FCHSD2: variants seen among roughly 807,000 people sequenced by gnomAD.
FCHSD2 encodes the protein F-BAR and double SH3 domains protein 2.
Under a neutral mutation model 108.1 loss-of-function variants are expected in FCHSD2, and 38 were observed. That is an observed-to-expected ratio of 0.35 (90% CI 0.27 to 0.46). FCHSD2 has a LOEUF of 0.46. FCHSD2 is among the 20% of genes least tolerant of loss of function. The pLI is 1.00. For missense variants in FCHSD2, 751 were observed against 897.8 expected (o/e 0.84, Z 2.09); for synonymous variants, 279 against 314.7 (o/e 0.89, Z 1.20).
intron 3 of FCHSD2, among the ~76,000 whole-genome samples, chr11:73,066,030 A>G (rs936704094): frequency 2.0e-5 from 3 of 152,244 alleles, no homozygotes; most frequent in African/African-American, 7.2e-5. Flanking sequence ...GAACCAAAAA[A>G]GAGCCTGCAT....
At chr11:72,944,736 A>G (rs547317270) in intron 8 of FCHSD2, among the ~76,000 whole-genome samples, 16 of 152,316 alleles carry the variant, frequency 1.1e-4, no homozygotes, top group Non-Finnish European at 1.3e-4. Flanking sequence ...AAAAATCACA[A>G]GCATTCTTAT....
At chr11:73,047,072 G>A (rs568435769) in intron 3 of FCHSD2, among the ~76,000 whole-genome samples, 2 of 151,800 alleles carry the variant, frequency 1.3e-5, no homozygotes, top group African/African-American at 4.8e-5. Context: ...AAGACAAGAT[G>A]CAGAATAAAT....
In FCHSD2 at chr11:72,849,885, T is replaced by A; in HGVS notation, c.1313A>T (p.Asn438Ile). 6.2e-7 allele frequency: 1 copy of A among 1,608,678 alleles called. No homozygotes were observed. The highest frequency in any genetic ancestry group is 1.1e-5 in the South Asian group (1 of 89,498). Residue 438 changes from asparagine to isoleucine, a missense_variant, in exon 14 of 20, where the codon AAT (asparagine) becomes ATT (isoleucine). By Grantham distance (149) the Asn-to-Ile change is moderately radical (BLOSUM62 -3). Transcript: ENST00000409418. ...GCCTTCTTCTCTTTCGGTATCTGCA[T>A]TAAGCTAAGAAAAATTAGAAACCAT... ...VTSNGTLHSL[N>I]ADTEREEGEE...
At chr11:73,111,471 T>A (rs985948077) in intron 2 of FCHSD2, among the ~76,000 whole-genome samples, 49 of 152,238 alleles carry the variant, frequency 3.2e-4, no homozygotes, top group African/African-American at 1.2e-3. Flanking sequence ...TCCTTTTTTT[T>A]TTTTTCAGTC....
At chr11:72,883,532 TA>T (rs1855132392) in intron 12 of FCHSD2, among the ~76,000 whole-genome samples, 1 of 152,152 alleles carries the variant, frequency 6.6e-6, no homozygotes, top group Non-Finnish European at 1.5e-5. Flanking sequence ...TAAAAACTTA[TA>T]AAAAGATGCT....
chr11:72,919,767 GAATA>G (rs1444713337), intron 9 of FCHSD2, among the ~76,000 whole-genome samples: 2 of 151,494 alleles, frequency 1.3e-5, no homozygotes, highest in Non-Finnish European at 3.0e-5. Context: ...GATAAAATTA[GAATA>G]AATGTCGTTG....
chr11:73,008,354 A>G (rs772475229), intron 4 of FCHSD2, among the ~76,000 whole-genome samples: 1 of 152,150 alleles, frequency 6.6e-6, no homozygotes, highest in Non-Finnish European at 1.5e-5. Context: ...AGAAAAGAAA[A>G]TGTGATTAAG....
intron 3 of FCHSD2, among the ~76,000 whole-genome samples, chr11:73,025,803 T>C (rs1858214485): frequency 6.6e-6 from 1 of 152,110 alleles, no homozygotes. Context: ...AGTATTTCAG[T>C]CAAAAACCAA....
intron 8 of FCHSD2, among the ~76,000 whole-genome samples, chr11:72,944,132 T>A (rs1224736279): frequency 6.6e-6 from 1 of 152,120 alleles, no homozygotes; most frequent in African/African-American, 2.4e-5. Context: ...CTGATGAACA[T>A]CGATGCAAAA....
chr11:73,056,681 A>G (rs944804484), intron 3 of FCHSD2, among the ~76,000 whole-genome samples: 3 of 152,214 alleles, frequency 2.0e-5, no homozygotes, highest in African/African-American at 7.2e-5. Flanking sequence ...TAGAGAAGAG[A>G]GCATAACAGA....
intron 3 of FCHSD2, among the ~76,000 whole-genome samples, chr11:73,018,746 T>C (rs1858029574): frequency 6.6e-6 from 1 of 152,168 alleles, no homozygotes; most frequent in Non-Finnish European, 1.5e-5. Context: ...TTAATAACTG[T>C]ATCAGATTTC....
rs1467642261 is a variant in FCHSD2, at chr11:73,065,654, CAA to C, written c.165+18039_165+18040del. 3.9e-5 allele frequency among the ~76,000 whole-genome samples: 6 copies of C among 152,322 alleles called. No individual in the cohort carries two copies. In the East Asian group the frequency reaches 9.6e-4, roughly 24 times the overall value. ...TCCTTAAGCTGATAAGCAACTTCAG[CAA>C]AGTCTCAGGATCCAAAAAATCAATG... On this transcript the variant is annotated intron_variant, in intron 3 of 19. Coordinates refer to ENST00000409418, the MANE Select transcript of FCHSD2 (RefSeq NM_014824.3).
chr11:72,870,696 C>A (rs1217135642), intron 12 of FCHSD2, among the ~76,000 whole-genome samples: 3 of 151,668 alleles, frequency 2.0e-5, no homozygotes, highest in African/African-American at 7.3e-5. Context: ...GTCAGGAGAT[C>A]GATACCATCC....
intron 8 of FCHSD2, among the ~76,000 whole-genome samples, chr11:72,939,470 G>A (rs1176334066): frequency 6.6e-6 from 1 of 151,952 alleles, no homozygotes; most frequent in South Asian, 2.1e-4. Flanking sequence ...TTTCTCTAGA[G>A]AGTTATAGAG....
chr11:72,942,807 G>A (rs1445842575), intron 8 of FCHSD2, among the ~76,000 whole-genome samples: 1 of 151,980 alleles, frequency 6.6e-6, no homozygotes, highest in Non-Finnish European at 1.5e-5. Flanking sequence ...TTAGACACAG[G>A]GTCTCGCTCT....
chr11:73,041,615 G>A (rs1367101797), intron 3 of FCHSD2, among the ~76,000 whole-genome samples: 1 of 152,054 alleles, frequency 6.6e-6, no homozygotes, highest in African/African-American at 2.4e-5. Flanking sequence ...TTGCTACTGA[G>A]TTGAGTTTCT....
At chr11:73,030,057 T>C (rs577060083) in intron 3 of FCHSD2, among the ~76,000 whole-genome samples, 2 of 152,204 alleles carry the variant, frequency 1.3e-5, no homozygotes, top group Admixed American at 6.5e-5. Context: ...TCACAAAGCA[T>C]ACAAAGAAAT....
At chr11:73,033,036 C>G (rs1858400189) in intron 3 of FCHSD2, among the ~76,000 whole-genome samples, 1 of 152,100 alleles carries the variant, frequency 6.6e-6, no homozygotes, top group Non-Finnish European at 1.5e-5. Context: ...CACCTGTAAT[C>G]CCAGCACTTT....
chr11:73,053,202 T>C (rs1858943673), intron 3 of FCHSD2, among the ~76,000 whole-genome samples: 1 of 149,312 alleles, frequency 6.7e-6, no homozygotes, highest in South Asian at 2.1e-4. Flanking sequence ...TATAATCAGG[T>C]ATGGTATATT....
Sources: allele counts gnomAD v4.1 joint callset (sites outside exome capture counted in the v4.1 genomes callset), GRCh38; gene constraint gnomAD v4.1.1; transcripts MANE v1.5; gene names NCBI Gene and HGNC (gene_info 2026-07-23, HGNC 2026-07-21).